BRF2: variants seen among roughly 807,000 people sequenced by gnomAD.
BRF2 encodes BRF2 general transcription factor IIIB subunit, also known as transcription factor IIIB 50 kDa subunit.
BRF2 carries 17 observed loss-of-function variants against 26.6 expected under a neutral mutation model. The ratio of observed to expected loss-of-function variants is 0.64; its 90% confidence interval spans 0.44 to 0.96. The LOEUF (loss-of-function observed/expected upper bound fraction) is 0.96, where lower values mean the gene tolerates loss of function less well. BRF2 is among the 40% of genes least tolerant of loss of function. The pLI is 0.00. For synonymous variants in BRF2, 219 were observed against 226.6 expected, an observed-to-expected ratio of 0.97 and a Z score of 0.30; for missense variants, 515 against 537.0, an observed-to-expected ratio of 0.96 and a Z score of 0.40.
rs769150686 is a variant in BRF2, at chr8:37,849,775, G to A, written c.9C>T (p.Gly3=). Residue 3 remains glycine, a synonymous_variant, in exon 1 of 4, where the codon GGC becomes GGT. Coordinates refer to ENST00000220659, the MANE Select transcript of BRF2 (RefSeq NM_018310.4). ...AGCCGCAGTCCGGGCAGCGGCCTCT[G>A]CCTGGCATCTCACAACCGGCCCCAA... The part of the protein sequence containing the change: MP[G]RGRCPDCGST... 98 of 1,609,162 alleles carry A rather than the reference G, an allele frequency of 6.1e-5. No homozygotes were observed. Among genetic ancestry groups the A allele is most frequent in the Non-Finnish European group, 7.4e-5 (87 of 1,178,902 alleles).
At chr8:37,847,309 G>A in intron 2 of BRF2, 134 bp from the exon 3 acceptor site, 1 of 752,780 alleles carries the variant, frequency 1.3e-6, no homozygotes, top group East Asian at 2.6e-5. Context: ...GTACCTTTCT[G>A]CATAGACAGG....
chr8:37,847,307 C>CTA, intron 2 of BRF2, 132 bp from the exon 3 acceptor site: 1 of 761,538 alleles, frequency 1.3e-6, no homozygotes, highest in Non-Finnish European at 2.3e-6. Context: ...ATGTACCTTT[C>CTA]TGCATAGACA....
intron 3 of BRF2, among the ~76,000 whole-genome samples, chr8:37,846,444 A>T (rs527715171): frequency 6.6e-5 from 10 of 152,202 alleles, no homozygotes; most frequent in African/African-American, 1.7e-4. Context: ...ATCCTTTTAC[A>T]TGGGCTTTGG....
intron 2 of BRF2, among the ~76,000 whole-genome samples, chr8:37,847,963 T>TA (rs1805993545): frequency 6.7e-6 from 1 of 149,788 alleles, no homozygotes; most frequent in African/African-American, 2.5e-5. Flanking sequence ...TTATTATTAT[T>TA]TTTTGAGACA....
rs1163193682 is a variant in BRF2 at position 37,849,638 on chromosome 8, T to C, written c.146A>G (p.Asn49Ser). 5.6e-6 allele frequency: 9 copies of C among 1,612,882 alleles called. No homozygotes were observed. Among genetic ancestry groups the C allele is most frequent in the African/African-American group, 1.3e-5 (1 of 74,880 alleles). ...CCCAGGGCCACAAGTACCTCGGAGA[T>C]TGCCCTCGTCGCTGAAGGTAGTGGT... ...VLTTTFSDEGNLREVTYSRST... is the reference protein window; with the variant it reads ...VLTTTFSDEGSLREVTYSRST... The change falls in exon 1 of 4, where the codon AAT becomes AGT. Residue 49 changes from asparagine (N) to serine (S), a missense_variant. Coordinates refer to ENST00000220659, the MANE Select transcript of BRF2 (RefSeq NM_018310.4).
Position 37,849,628 on chromosome 8 carries a change from A to T in BRF2, c.154+2T>A, listed in dbSNP as rs1371982777. ...CCAGGCTGTCCCCAGGGCCACAAGT[A>T]CCTCGGAGATTGCCCTCGTCGCTGA... On this transcript the variant is annotated splice_donor_variant, in intron 1 of 3. Coordinates refer to ENST00000220659, the MANE Select transcript of BRF2 (RefSeq NM_018310.4). LOFTEE classifies it high-confidence loss of function. The T allele has an allele frequency of 1.9e-6, 3 of 1,612,154 alleles. No homozygotes were observed. Among genetic ancestry groups the T allele is most frequent in the African/African-American group, 1.3e-5 (1 of 74,848 alleles).
At chr8:37,849,507 A>C in intron 1 of BRF2, 123 bp downstream of exon 1, 1 of 798,434 alleles carries the variant, frequency 1.3e-6, no homozygotes, top group Non-Finnish European at 2.0e-6. Context: ...CGCTCACTTT[A>C]GGTCATTTTC....
chr8:37,848,588 A>G lies in BRF2; in HGVS notation c.214+8T>C, dbSNP rs2130095010. On this transcript the variant is annotated splice_region_variant and intron_variant, in intron 2 of 3. Coordinates refer to ENST00000220659, the MANE Select transcript of BRF2 (RefSeq NM_018310.4). ...AAAGCCACTGTGTTGTAAAAGGTCA[A>G]TTCTCACCTCGTTGCTGGCTGCGAC... is the stretch of plus-strand genomic sequence containing the variant. The G allele has an allele frequency of 1.2e-6, 2 of 1,613,864 alleles. 1 individual carries two copies. Among genetic ancestry groups the G allele is most frequent in the Middle Eastern group, 3.3e-4 (2 of 6,062 alleles).
rs1233461685 is a variant in BRF2 at position 37,844,914 on chromosome 8, T to A, written c.836A>T (p.Gln279Leu). The A allele has an allele frequency of 2.5e-6, 4 of 1,614,034 alleles. No homozygotes were observed. The highest frequency in any genetic ancestry group is 3.4e-6 in the Non-Finnish European group (4 of 1,180,046). ...TCTCAGAACTCGTAACCAGGCCAGC[T>A]GCTCAGCCATCCGCAGCAGCACAGC... ...LLAVLLRMAE[Q>L]LAWLRVLRLD... Residue 279 changes from glutamine to leucine, a missense_variant, in exon 4 of 4, where the codon CAG becomes CTG. Coordinates refer to ENST00000220659, the MANE Select transcript of BRF2 (RefSeq NM_018310.4).
rs1563357194 is a variant in BRF2, at chr8:37,843,682, C to CCA, written c.*806_*807dup. ...AGAGGACACAGGGGAGGGGGAAAAC[C>CCA]CACACACACTCCTTGGAATGGGTCC... On this transcript the variant is annotated 3_prime_UTR_variant, in exon 4 of 4. Transcript: ENST00000220659. 1 of 152,446 alleles carries CCA rather than the reference C, an allele frequency of 6.6e-6. No homozygotes were observed. Among genetic ancestry groups the CCA allele is most frequent in the African/African-American group, 2.4e-5 (1 of 41,402 alleles). 9.4% of individuals were successfully genotyped at this position (152,446 alleles called of 1,614,324 possible). A position where few individuals can be genotyped will look rare whatever the true frequency, so the allele number is the denominator to read the frequency against.
chr8:37,843,584 AACAGGAAACC>A lies in BRF2; in HGVS notation c.*896_*905del, dbSNP rs992433884. The A allele has an allele frequency of 3.5e-4, 53 of 152,316 alleles. No individual in the cohort carries two copies. Among genetic ancestry groups the A allele is most frequent in the African/African-American group, 1.2e-3 (48 of 41,546 alleles). 9.4% of individuals were successfully genotyped at this position (152,316 alleles called of 1,614,324 possible). ...GGGAACCCTGGGTCTTGGGAAGAAC[AACAGGAAACC>A]AAGGTCTGACCTAGGGTTCCCTCCC... On this transcript the variant is annotated 3_prime_UTR_variant, in exon 4 of 4. Coordinates refer to ENST00000220659, the MANE Select transcript of BRF2 (RefSeq NM_018310.4).
In BRF2 at chr8:37,849,667, G is replaced by A. The variant is rs754924039; in HGVS notation, c.117C>T (p.Val39=). The part of the protein sequence containing the change: ...SDCGCVVTEG[V]LTTTFSDEGN... ...CCTCGTCGCTGAAGGTAGTGGTAAG[G>A]ACCCCCTCGGTGACCACGCAGCCGC... Residue 39 remains valine, a synonymous_variant, in exon 1 of 4, where the codon GTC becomes GTT. Coordinates refer to ENST00000220659, the MANE Select transcript of BRF2 (RefSeq NM_018310.4). The A allele has an allele frequency of 1.2e-6, 2 of 1,613,572 alleles. No individual in the cohort carries two copies. Among genetic ancestry groups the A allele is most frequent in the Non-Finnish European group, 1.7e-6 (2 of 1,179,844 alleles).
In BRF2 at chr8:37,849,779, G is replaced by A. The variant is rs748376284; in HGVS notation, c.5C>T (p.Pro2Leu). 6.2e-7 allele frequency: 1 copy of A among 1,608,398 alleles called. No individual in the cohort carries two copies. The highest frequency in any genetic ancestry group is 1.1e-5 in the South Asian group (1 of 90,638). ...GCAGTCCGGGCAGCGGCCTCTGCCT[G>A]GCATCTCACAACCGGCCCCAAAGCC... M[P>L]GRGRCPDCGS... Residue 2 changes from proline to leucine, a missense_variant, in exon 1 of 4, where the codon CCA (proline) becomes CTA (leucine). Coordinates refer to ENST00000220659, the MANE Select transcript of BRF2 (RefSeq NM_018310.4).
chr8:37,847,268 A>C, intron 2 of BRF2, 93 bp from the exon 3 acceptor site: 1 of 1,127,454 alleles, frequency 8.9e-7, no homozygotes. Flanking sequence ...GATCTGCTAA[A>C]CTTGCCTCAG....
In BRF2 at chr8:37,844,839, C is replaced by A. The variant is rs751876923; in HGVS notation, c.911G>T (p.Arg304Leu). 4 of 1,614,182 alleles carry A rather than the reference C, an allele frequency of 2.5e-6. No individual in the cohort carries two copies. The highest frequency in any genetic ancestry group is 3.4e-6 in the Non-Finnish European group (4 of 1,180,048). Residue 304 changes from arginine (R) to leucine (L), a missense_variant, in exon 4 of 4, where the codon CGC becomes CTC. By Grantham distance (102) the Arg-to-Leu change is moderately radical. Coordinates refer to ENST00000220659, the MANE Select transcript of BRF2 (RefSeq NM_018310.4). Reference protein sequence around the residue: ...VKHIGDLLQHRQSLVRSAFRD... With the variant: ...VKHIGDLLQHLQSLVRSAFRD... ...AAAGGCAGAGCGGACCAGTGACTGGCGGTGCTGGAGAAGGTCACCGATGTG... is the reference window on the plus strand; with the variant it reads ...AAAGGCAGAGCGGACCAGTGACTGGAGGTGCTGGAGAAGGTCACCGATGTG...
At chr8:37,847,793 G>A (rs915869164) in intron 2 of BRF2, among the ~76,000 whole-genome samples, 3 of 151,992 alleles carry the variant, frequency 2.0e-5, no homozygotes, top group African/African-American at 7.2e-5. Context: ...GCCTCCCAAA[G>A]TCTGGGATTA....
Position 37,848,193 on chromosome 8 carries a change from G to A in BRF2, c.214+403C>T, listed in dbSNP as rs1052256448. Among the ~76,000 whole-genome samples the A allele has an allele frequency of 3.2e-4, 49 of 151,186 alleles. No individual in the cohort carries two copies. In the East Asian group the frequency reaches 3.5e-3, roughly 11 times the overall value. ...TCTCAATCTCCTGACCTCGTGATCC[G>A]CCCGCCTCGGCCTCCCAAAGTGCTG... On this transcript the variant is annotated intron_variant, in intron 2 of 3. Transcript: ENST00000220659.
intron 3 of BRF2, chr8:37,845,545 C>T: frequency 3.3e-6 from 2 of 612,398 alleles, no homozygotes; most frequent in Non-Finnish European, 5.8e-6. Flanking sequence ...AGTCATCCAG[C>T]CAGGCAGTAA....
At position 37,847,069 on chromosome 8, in the gene BRF2, T is replaced by A; in HGVS notation, c.321A>T (p.Arg107=). Reference sequence around the variant, plus strand: ...CCTCCTTCTTTTGCAGCCTGGCCGCTCGGATGCCAGAGTGCCGATATGCCT... The same window carrying A: ...CCTCCTTCTTTTGCAGCCTGGCCGCACGGATGCCAGAGTGCCGATATGCCT... ...YQQAYRHSGI[R]AARLQKKEVL... is the part of the protein sequence containing the mutation. The change falls in exon 3 of 4, where the codon CGA becomes CGT. Residue 107 remains arginine (R), a synonymous_variant. Transcript: ENST00000220659. 1 of 1,614,230 alleles carries A rather than the reference T, an allele frequency of 6.2e-7. No homozygotes were observed. The highest frequency in any genetic ancestry group is 1.1e-5 in the South Asian group (1 of 91,084).
Sources: gnomAD v4.1 joint callset for allele counts (sites outside exome capture counted in the v4.1 genomes callset) on GRCh38, gnomAD v4.1.1 for gene constraint, MANE v1.5 for transcripts, NCBI Gene and HGNC (gene_info 2026-07-23, HGNC 2026-07-21) for gene names.